AGMO: variants seen among roughly 807,000 people sequenced by gnomAD.
AGMO encodes glyceryl-ether monooxygenase.
Under a neutral mutation model 60.2 loss-of-function variants are expected in AGMO, and 75 were observed. The ratio of observed to expected loss-of-function variants is 1.25; its 90% CI spans 1.03 to 1.51. AGMO has a LOEUF of 1.51. AGMO is among the 40% of genes most tolerant of loss of function. AGMO has a pLI of 0.00. For synonymous variants in AGMO, 261 were observed against 177.1 expected (o/e 1.47, Z -3.76); for missense variants, 763 against 525.5 (o/e 1.45, Z -4.42).
chr7:15,516,518 G>T (rs372634480), intron 3 of AGMO, among the ~76,000 whole-genome samples: 1 of 152,082 alleles, frequency 6.6e-6, no homozygotes, highest in Non-Finnish European at 1.5e-5. Flanking sequence ...AAAGAAATCT[G>T]TTCCTTTAAA....
chr7:15,135,967 A>ATTTTT, the AGMO span, among the ~76,000 whole-genome samples: 1 of 86,460 alleles, frequency 1.2e-5, no homozygotes, highest in East Asian at 4.0e-4. Context: ...TTAATATTAT[A>ATTTTT]TTTTTTCTTT....
intron 3 of AGMO, among the ~76,000 whole-genome samples, chr7:15,531,875 G>T (rs1784377196): frequency 6.6e-6 from 1 of 151,330 alleles, no homozygotes; most frequent in Non-Finnish European, 1.5e-5. Context: ...CTCCATATTG[G>T]CCAAGCTGGT....
chr7:15,332,300 G>T (rs959382524), intron 12 of AGMO, among the ~76,000 whole-genome samples: 1 of 152,058 alleles, frequency 6.6e-6, no homozygotes, highest in African/African-American at 2.4e-5. Flanking sequence ...AGCCTACTCT[G>T]TGCCTGGTTC....
At chr7:15,293,221 C>T (rs1461264608) in intron 12 of AGMO, among the ~76,000 whole-genome samples, 1 of 152,138 alleles carries the variant, frequency 6.6e-6, no homozygotes, top group Admixed American at 6.5e-5. Context: ...CAGACTCTGG[C>T]CGCTTATATC....
the AGMO span, among the ~76,000 whole-genome samples, chr7:15,150,218 T>G: frequency 6.6e-6 from 1 of 152,082 alleles, no homozygotes; most frequent in Non-Finnish European, 1.5e-5. Flanking sequence ...GACTATGAGG[T>G]TTCCTAGGTA....
chr7:15,294,192 G>A (rs1784351854), intron 12 of AGMO, among the ~76,000 whole-genome samples: 1 of 151,976 alleles, frequency 6.6e-6, no homozygotes, highest in Admixed American at 6.6e-5. Context: ...TTTAATCATA[G>A]TGGAATAGAT....
chr7:15,181,460 A>C, the AGMO span, among the ~76,000 whole-genome samples: 5 of 152,174 alleles, frequency 3.3e-5, no homozygotes, highest in African/African-American at 1.2e-4. Flanking sequence ...CTACCCATAT[A>C]TGAATTGGCT....
chr7:15,129,990 T>G, the AGMO span, among the ~76,000 whole-genome samples: 2 of 152,114 alleles, frequency 1.3e-5, no homozygotes, highest in Non-Finnish European at 2.9e-5. Context: ...AAAGCCTGTA[T>G]TGTATAAGAG....
At chr7:15,172,928 A>C in the AGMO span, among the ~76,000 whole-genome samples, 1 of 152,214 alleles carries the variant, frequency 6.6e-6, no homozygotes, top group Non-Finnish European at 1.5e-5. Flanking sequence ...CACAAGTGAT[A>C]GGCACAAATA....
the AGMO span, among the ~76,000 whole-genome samples, chr7:15,160,862 A>G: frequency 6.6e-6 from 1 of 152,154 alleles, no homozygotes; most frequent in African/African-American, 2.4e-5. Context: ...GAGGCTGAGT[A>G]ATTTACAATG....
rs1407202514 is a variant in AGMO at position 15,385,495 on chromosome 7, T to C, written c.1025A>G (p.Gln342Arg). ...SQLLKIYTVV[Q>R]FALMLAFYEE... ...ATAAAATGCCAACATCAGAGCAAAC[T>C]GTACAACTGTATATATCTTTAATAG... The change falls in exon 10 of 13, where the codon CAG becomes CGG. Residue 342 changes from glutamine to arginine, a missense_variant. Physicochemically the swap from Gln to Arg is conservative, Grantham distance 43 (BLOSUM62 1). Coordinates refer to ENST00000342526, the MANE Select transcript of AGMO (RefSeq NM_001004320.2). 6.2e-7 allele frequency: 1 copy of C among 1,613,318 alleles called. No homozygotes were observed. The highest frequency in any genetic ancestry group is 2.2e-5 in the East Asian group (1 of 44,798).
At chr7:15,343,315 C>T (rs1049246241) in intron 12 of AGMO, among the ~76,000 whole-genome samples, 6 of 152,042 alleles carry the variant, frequency 3.9e-5, no homozygotes, top group Non-Finnish European at 8.8e-5. Flanking sequence ...TTAACTCAAG[C>T]TTTCAATATC....
chr7:15,270,720 T>C (rs543113233), intron 12 of AGMO, among the ~76,000 whole-genome samples: 2 of 149,508 alleles, frequency 1.3e-5, no homozygotes, highest in East Asian at 4.0e-4. Context: ...ATCTTCTTCA[T>C]AAATTCTTTG....
At chr7:15,273,934 T>C (rs533192614) in intron 12 of AGMO, among the ~76,000 whole-genome samples, 1 of 152,012 alleles carries the variant, frequency 6.6e-6, no homozygotes. Flanking sequence ...GTCTGTTATT[T>C]GTGTATAAGA....
chr7:15,441,801 C>A (rs1781564988), intron 3 of AGMO, among the ~76,000 whole-genome samples: 1 of 152,112 alleles, frequency 6.6e-6, no homozygotes, highest in South Asian at 2.1e-4. Context: ...ACCAGGAATT[C>A]TTAGGAAAAG....
At chr7:15,208,177 T>C (rs1398278614) in intron 12 of AGMO, among the ~76,000 whole-genome samples, 1 of 152,182 alleles carries the variant, frequency 6.6e-6, no homozygotes, top group Non-Finnish European at 1.5e-5. Context: ...TTCTTAATGC[T>C]ACAGAAGAGT....
chr7:15,448,793 G>A (rs1261882842), intron 3 of AGMO, among the ~76,000 whole-genome samples: 1 of 152,036 alleles, frequency 6.6e-6, no homozygotes, highest in African/African-American at 2.4e-5. Flanking sequence ...GAGAGTTGAA[G>A]GTGGTTTGAA....
chr7:15,348,706 T>C (rs1049712513), intron 12 of AGMO, among the ~76,000 whole-genome samples: 2 of 152,094 alleles, frequency 1.3e-5, no homozygotes, highest in Non-Finnish European at 2.9e-5. Flanking sequence ...TGTTTTTCAC[T>C]TGAAGGTTTT....
At chr7:15,482,946 A>T (rs1044732092) in intron 3 of AGMO, among the ~76,000 whole-genome samples, 3 of 152,214 alleles carry the variant, frequency 2.0e-5, no homozygotes, top group Non-Finnish European at 4.4e-5. Flanking sequence ...ATGATTTTTT[A>T]AAATTAACAA....
Sources: allele counts gnomAD v4.1 joint callset (sites outside exome capture counted in the v4.1 genomes callset), GRCh38; gene constraint gnomAD v4.1.1; transcripts MANE v1.5; gene names NCBI Gene and HGNC (gene_info 2026-07-23, HGNC 2026-07-21).